AK5: variants seen among roughly 807,000 people sequenced by gnomAD.
AK5 encodes adenylate kinase isoenzyme 5.
A neutral mutation model predicts 69.5 loss-of-function variants in AK5; 27 were observed. That is an observed-to-expected ratio of 0.39 (90% CI 0.29 to 0.54). The LOEUF (loss-of-function observed/expected upper bound fraction) is 0.54, where lower values mean the gene tolerates loss of function less well. AK5 is among the 20% of genes least tolerant of loss of function. The pLI, the probability that AK5 is intolerant of heterozygous loss-of-function variation, is 0.71. For synonymous variants in AK5, 260 were observed against 244.4 expected (o/e 1.06, Z -0.60); for missense variants, 531 against 700.4 (o/e 0.76, Z 2.73).
intron 13 of AK5, among the ~76,000 whole-genome samples, chr1:77,555,277 TAAAAAAC>T (rs1447859883): frequency 6.6e-6 from 1 of 152,038 alleles, no homozygotes; most frequent in Non-Finnish European, 1.5e-5. Flanking sequence ...GACCCTGTTT[TAAAAAAC>T]AAAAAACAAA....
At chr1:77,483,800 C>T (rs970029631) in intron 9 of AK5, among the ~76,000 whole-genome samples, 3 of 152,022 alleles carry the variant, frequency 2.0e-5, no homozygotes, top group African/African-American at 7.3e-5. Flanking sequence ...GTTACTATTC[C>T]ACGTGTACCT....
At chr1:77,291,411 T>C (rs1658678071) in intron 2 of AK5, among the ~76,000 whole-genome samples, 1 of 152,168 alleles carries the variant, frequency 6.6e-6, no homozygotes, top group Non-Finnish European at 1.5e-5. Flanking sequence ...GCTCTTAGTC[T>C]TTCCCTGCTC....
At chr1:77,441,929 G>C (rs72681659) in intron 8 of AK5, among the ~76,000 whole-genome samples, 16,582 of 152,142 alleles carry the variant, frequency 0.11, 1,021 homozygotes, top group South Asian at 0.17. Flanking sequence ...GTGACTCTGA[G>C]GTACCCCCTA....
intron 5 of AK5, among the ~76,000 whole-genome samples, chr1:77,334,572 T>C (rs1460335795): frequency 2.0e-5 from 3 of 152,202 alleles, no homozygotes; most frequent in African/African-American, 4.8e-5. Context: ...CTTCTAACCA[T>C]GTCTCAGGTG....
At chr1:77,420,133 T>C (rs1340971803) in intron 8 of AK5, among the ~76,000 whole-genome samples, 1 of 151,692 alleles carries the variant, frequency 6.6e-6, no homozygotes, top group African/African-American at 2.4e-5. Flanking sequence ...TGATAAACTC[T>C]ATGAGAAAAG....
At chr1:77,507,258 T>A (rs1223488389) in intron 10 of AK5, among the ~76,000 whole-genome samples, 2 of 152,190 alleles carry the variant, frequency 1.3e-5, no homozygotes, top group Non-Finnish European at 2.9e-5. Context: ...AGGAGGTCTG[T>A]CTGATTTCCA....
chr1:77,500,350 A>G (rs1363295223), intron 10 of AK5, among the ~76,000 whole-genome samples: 1 of 152,214 alleles, frequency 6.6e-6, no homozygotes, highest in Non-Finnish European at 1.5e-5. Flanking sequence ...ACCATTAGGT[A>G]GCTGGCACCA....
chr1:77,432,403 T>C (rs1435772675), intron 8 of AK5, among the ~76,000 whole-genome samples: 3 of 152,242 alleles, frequency 2.0e-5, no homozygotes, highest in Non-Finnish European at 4.4e-5. Flanking sequence ...ATGTTCAGTT[T>C]TGTCTATTCC....
intron 10 of AK5, among the ~76,000 whole-genome samples, chr1:77,500,585 C>G (rs1317966327): frequency 6.6e-6 from 1 of 152,094 alleles, no homozygotes; most frequent in East Asian, 1.9e-4. Context: ...TCGAGATCAG[C>G]CTGAGTGAGC....
At chr1:77,455,997 T>G (rs1653459707) in intron 8 of AK5, among the ~76,000 whole-genome samples, 1 of 152,154 alleles carries the variant, frequency 6.6e-6, no homozygotes, top group South Asian at 2.1e-4. Context: ...CATTTAAATG[T>G]GAAGGAAATG....
chr1:77,534,417 T>C lies in AK5; in HGVS notation c.1429-1430T>C, dbSNP rs533753677. Among the ~76,000 whole-genome samples the C allele has an allele frequency of 5.3e-5, 8 of 151,840 alleles. No homozygotes were observed. In the South Asian group the frequency reaches 1.7e-3, roughly 32 times the overall value. On this transcript the variant is annotated intron_variant, in intron 12 of 13. Coordinates refer to ENST00000354567, the MANE Select transcript of AK5 (RefSeq NM_174858.3). ...CTTCATCACCTACTGTGTGCAAGAC[T>C]TGGGACTAGGAGCAGAGAATTCTTA...
chr1:77,336,778 T>C (rs896930854), intron 5 of AK5, among the ~76,000 whole-genome samples: 3 of 152,192 alleles, frequency 2.0e-5, no homozygotes, highest in Non-Finnish European at 2.9e-5. Context: ...CTCTCAGCTT[T>C]TGTTTGTCTG....
intron 13 of AK5, among the ~76,000 whole-genome samples, chr1:77,544,115 T>C (rs1273037655): frequency 6.6e-6 from 1 of 152,190 alleles, no homozygotes; most frequent in Non-Finnish European, 1.5e-5. Flanking sequence ...TGTAAGACAA[T>C]GGTAACCATT....
intron 13 of AK5, among the ~76,000 whole-genome samples, chr1:77,546,568 G>GGT (rs1215788646): frequency 6.6e-6 from 1 of 152,110 alleles, no homozygotes; most frequent in East Asian, 1.9e-4. Context: ...AAATTAGATG[G>GGT]GTGTGGTGGT....
chr1:77,308,968 T>TA (rs140870136), intron 5 of AK5, among the ~76,000 whole-genome samples: 297 of 139,988 alleles, frequency 2.1e-3, no homozygotes, highest in African/African-American at 2.4e-3. Flanking sequence ...GACACTGTCT[T>TA]AAAAAAAAAA....
chr1:77,429,176 C>T (rs569097488), intron 8 of AK5, among the ~76,000 whole-genome samples: 1 of 152,320 alleles, frequency 6.6e-6, no homozygotes, highest in East Asian at 1.9e-4. Flanking sequence ...GGAATCGCCA[C>T]ACTGACTTCC....
chr1:77,377,794 T>C (rs1647344875), intron 6 of AK5, among the ~76,000 whole-genome samples: 1 of 152,230 alleles, frequency 6.6e-6, no homozygotes. Context: ...TTCCTTTACA[T>C]GCCTTGTTTC....
intron 10 of AK5, among the ~76,000 whole-genome samples, chr1:77,497,908 G>A (rs1656448935): frequency 6.6e-6 from 1 of 151,214 alleles, no homozygotes; most frequent in South Asian, 2.1e-4. Flanking sequence ...AGATTGAGAT[G>A]CTTATGAGAT....
At chr1:77,534,114 ATAT>A (rs1315890808) in intron 12 of AK5, among the ~76,000 whole-genome samples, 1 of 152,084 alleles carries the variant, frequency 6.6e-6, no homozygotes, top group Non-Finnish European at 1.5e-5. Flanking sequence ...GCAACTCACG[ATAT>A]TACGAGTTCT....
Sources: gnomAD v4.1 joint callset for allele counts (sites outside exome capture counted in the v4.1 genomes callset) on GRCh38, gnomAD v4.1.1 for gene constraint, MANE v1.5 for transcripts, NCBI Gene and HGNC (gene_info 2026-07-23, HGNC 2026-07-21) for gene names.